Variants in KIF6 observed in about 807,000 individuals in gnomAD.
The protein encoded by KIF6 is kinesin family member 6.
A neutral mutation model predicts 112.7 loss-of-function variants in KIF6; 106 were observed. That is an observed-to-expected ratio of 0.94 (90% CI 0.80 to 1.11). The LOEUF (loss-of-function observed/expected upper bound fraction) is 1.11. KIF6 is among the 50% of genes least tolerant of loss of function. KIF6 has a pLI of 0.00. For missense variants in KIF6, 929 were observed against 964.0 expected (o/e 0.96, Z 0.48); for synonymous variants, 339 against 339.9 (o/e 1.00, Z 0.03).
chr6:39,521,676 G>A (rs886673379), intron 13 of KIF6, among the ~76,000 whole-genome samples: 2 of 152,046 alleles, frequency 1.3e-5, no homozygotes, highest in African/African-American at 4.8e-5. Flanking sequence ...ACTTCCACAG[G>A]ATGCTGTGAT....
chr6:39,347,638 T>G (rs994388829), intron 19 of KIF6, among the ~76,000 whole-genome samples: 29 of 152,292 alleles, frequency 1.9e-4, no homozygotes, highest in Admixed American at 1.8e-3. Context: ...CAACCCTCCT[T>G]TTACACTCTG....
chr6:39,714,823 T>C (rs1789739813), intron 2 of KIF6, 57 bp from the exon 3 acceptor site: 2 of 1,128,750 alleles, frequency 1.8e-6, no homozygotes, highest in Admixed American at 3.7e-5. Context: ...ACTATCAGAT[T>C]AATAAATCTT....
intron 13 of KIF6, among the ~76,000 whole-genome samples, chr6:39,486,170 T>C (rs376347428): frequency 3.3e-5 from 5 of 152,348 alleles, no homozygotes; most frequent in South Asian, 4.1e-4. Flanking sequence ...ATTAATAAGA[T>C]ATCACGGAAG....
intron 3 of KIF6, among the ~76,000 whole-genome samples, chr6:39,655,362 A>C (rs929144947): frequency 6.6e-6 from 1 of 151,992 alleles, no homozygotes; most frequent in African/African-American, 2.4e-5. Flanking sequence ...ATTTAATCAT[A>C]TTAATCCTCT....
intron 3 of KIF6, among the ~76,000 whole-genome samples, chr6:39,666,810 T>G (rs1786490409): frequency 6.6e-6 from 1 of 152,228 alleles, no homozygotes; most frequent in South Asian, 2.1e-4. Flanking sequence ...CTATGATCTT[T>G]GAAACACTTG....
chr6:39,664,566 G>C lies in KIF6; in HGVS notation c.252-24809C>G, dbSNP rs1786348818. Among the ~76,000 whole-genome samples, 3 of 152,190 alleles carry C rather than the reference G, an allele frequency of 2.0e-5. No homozygotes were observed. In the South Asian group the frequency reaches 6.2e-4, roughly 32 times the overall value. On this transcript the variant is annotated intron_variant, in intron 3 of 22. Transcript: ENST00000287152. ...TTTGGTAGTGAATTAGATATGTAAAGAAGGAACATGAACTGGGTGGGAGCA... is the reference window on the plus strand; with the variant it reads ...TTTGGTAGTGAATTAGATATGTAAACAAGGAACATGAACTGGGTGGGAGCA...
intron 13 of KIF6, among the ~76,000 whole-genome samples, chr6:39,440,611 T>G (rs1457077718): frequency 6.6e-6 from 1 of 151,076 alleles, no homozygotes; most frequent in African/African-American, 2.4e-5. Context: ...CCTGTTGGTC[T>G]TCTCTCCCCT....
chr6:39,454,270 A>G (rs1772888380), intron 13 of KIF6, among the ~76,000 whole-genome samples: 1 of 152,172 alleles, frequency 6.6e-6, no homozygotes, highest in African/African-American at 2.4e-5. Context: ...CAGTACAGTC[A>G]TCTAAAGAAA....
rs1343559373 is a variant in KIF6 at position 39,337,148 on chromosome 6, CTCTTTCTTTTCTTTCTTTCCTTCCT to C, written c.2429-625_2429-601del. 2.3e-3 allele frequency among the ~76,000 whole-genome samples: 227 copies of C among 97,598 alleles called. 11 individuals carry two copies. The highest frequency in any genetic ancestry group is 4.1e-3 in the African/African-American group (102 of 24,632). The allele number at this position is 97,598 out of a possible 152,430, so 64.0% of individuals were successfully genotyped here. A position where few individuals can be genotyped will look rare whatever the true frequency, so the allele number is the denominator to read the frequency against. On this transcript the variant is annotated intron_variant, in intron 22 of 22. Transcript: ENST00000287152. ...TCTTTCCTCCTTCCTTCCTTCCTTTCTCTTTCTTTTCTTTCTTTCCTTCCTTCTTTCTTTCTTTCTTTCTTTCTTT... is the reference window on the plus strand; with the variant it reads ...TCTTTCCTCCTTCCTTCCTTCCTTTCTCTTTCTTTCTTTCTTTCTTTCTTT...
intron 3 of KIF6, among the ~76,000 whole-genome samples, chr6:39,712,398 AC>A (rs1419477020): frequency 6.6e-6 from 1 of 152,014 alleles, no homozygotes; most frequent in Non-Finnish European, 1.5e-5. Context: ...AAAAGATAAA[AC>A]CCACCGGGAC....
chr6:39,489,134 A>G (rs1775309872), intron 13 of KIF6, among the ~76,000 whole-genome samples: 1 of 152,226 alleles, frequency 6.6e-6, no homozygotes. Context: ...GGCCATAGAA[A>G]TCAGCTTTAA....
At chr6:39,531,409 G>A (rs1305852007) in intron 13 of KIF6, among the ~76,000 whole-genome samples, 1 of 152,156 alleles carries the variant, frequency 6.6e-6, no homozygotes, top group African/African-American at 2.4e-5. Flanking sequence ...GGGAGATGGT[G>A]TGGGCAAGAA....
At chr6:39,632,966 T>C (rs1784436696) in intron 5 of KIF6, among the ~76,000 whole-genome samples, 1 of 151,910 alleles carries the variant, frequency 6.6e-6, no homozygotes, top group Non-Finnish European at 1.5e-5. Context: ...AAGGAGTCAT[T>C]GACTTAAAAA....
At chr6:39,569,804 T>G (rs17361280) in intron 10 of KIF6, among the ~76,000 whole-genome samples, 20,051 of 152,252 alleles carry the variant, frequency 0.13, 1,428 homozygotes, top group Middle Eastern at 0.23. Flanking sequence ...CATCTTCCCC[T>G]GTCTGTGGCA....
intron 3 of KIF6, among the ~76,000 whole-genome samples, chr6:39,678,253 A>G (rs935614430): frequency 6.6e-6 from 1 of 152,024 alleles, no homozygotes; most frequent in Non-Finnish European, 1.5e-5. Flanking sequence ...GCGATTCCTC[A>G]GGGATCTAGA....
At chr6:39,588,258 T>A (rs1781742982) in intron 7 of KIF6, among the ~76,000 whole-genome samples, 1 of 152,168 alleles carries the variant, frequency 6.6e-6, no homozygotes, top group Admixed American at 6.5e-5. Context: ...GCTCTGTTAA[T>A]GCTGAAGTGT....
At chr6:39,536,579 T>G (rs1424324236) in intron 13 of KIF6, among the ~76,000 whole-genome samples, 1 of 152,068 alleles carries the variant, frequency 6.6e-6, no homozygotes, top group Non-Finnish European at 1.5e-5. Context: ...ATCAATAGCT[T>G]ACCAACGAAA....
Position 39,714,740 on chromosome 6 carries a change from G to T in KIF6, c.203C>A (p.Ala68Glu). Residue 68 changes from alanine to glutamate, a missense_variant, in exon 3 of 23, where the codon GCA becomes GAA. Around this residue, in one of 2 missense-constraint regions of KIF6, gnomAD observed 688 missense variants for 662.7 expected, o/e 1.04. Coordinates refer to ENST00000287152, the MANE Select transcript of KIF6 (RefSeq NM_145027.6). The stretch of plus-strand genomic sequence containing the variant: ...GTTTTCAAAAACGGTCTCTTGGTTT[G>T]CATCCTGATCAAAAATTCTTTGAAA... ...FKFQRIFDQD[A>E]NQETVFENIA... 6.2e-7 allele frequency: 1 copy of T among 1,613,200 alleles called. No homozygotes were observed. The highest frequency in any genetic ancestry group is 8.5e-7 in the Non-Finnish European group (1 of 1,179,286).
chr6:39,642,605 C>T (rs1784965537), intron 3 of KIF6, among the ~76,000 whole-genome samples: 1 of 152,004 alleles, frequency 6.6e-6, no homozygotes, highest in Non-Finnish European at 1.5e-5. Flanking sequence ...CAGCCCTGTC[C>T]TCGGGGTGTT....
Sources: gnomAD v4.1 joint callset for allele counts (sites outside exome capture counted in the v4.1 genomes callset) on GRCh38, gnomAD v4.1.1 for gene constraint, gnomAD v4.1.1 regional missense constraint, MANE v1.5 for transcripts, NCBI Gene and HGNC (gene_info 2026-07-23, HGNC 2026-07-21) for gene names.